Variants in ZNF75D observed in about 807,000 individuals in gnomAD.
The protein encoded by ZNF75D is zinc finger protein 75.
Under a neutral mutation model 33.3 loss-of-function variants are expected in ZNF75D, and 33 were observed. The ratio of observed to expected loss-of-function variants is 0.99; its 90% CI spans 0.75 to 1.32. The LOEUF is 1.32. Ranked by LOEUF, ZNF75D falls within the 40% of genes most tolerant of loss-of-function variation. The pLI is 0.00. For synonymous variants in ZNF75D, 113 were observed against 130.6 expected (o/e 0.87, Z 0.92); for missense variants, 338 against 367.5 (o/e 0.92, Z 0.66).
rs1171312540 is a variant in ZNF75D, at chrX:135,250,489, C to T, written n.1297-1188G>A. Among the ~76,000 whole-genome samples the T allele has an allele frequency of 4.7e-5, 5 of 107,270 alleles. No individual in the cohort carries two copies. In the South Asian group the frequency reaches 1.6e-3, roughly 34 times the overall value. The allele number at this position is 107,270 out of a possible 115,157, so 93.2% of individuals were successfully genotyped here. The stretch of plus-strand genomic sequence containing the variant: ...AGTATTGACCTATTTAAGGAACAGA[C>T]AGTGCCAAAAAGATTCTGACACTGA... On this transcript the variant is annotated intron_variant and non_coding_transcript_variant, in intron 3 of 3. Coordinates refer to the ZNF75D transcript ENST00000494295.
chrX:135,333,694 A>T (rs2084677592), intron 1 of ZNF75D, among the ~76,000 whole-genome samples: 1 of 111,981 alleles, frequency 8.9e-6, no homozygotes, highest in Admixed American at 9.5e-5. Context: ...TGGACAAAGA[A>T]TAGATCATCC....
downstream of ZNF75D, among the ~76,000 whole-genome samples, chrX:135,282,393 G>A (rs782296757): frequency 3.6e-5 from 4 of 111,941 alleles, no homozygotes; most frequent in Admixed American, 9.4e-5. Context: ...CTGGCAGCGA[G>A]AATTTCAAAC....
At position 135,343,524 on chromosome X, in the gene ZNF75D, C is replaced by T. The variant is rs1556446074; in HGVS notation, c.-2147G>A. 1.8e-5 allele frequency: 2 copies of T among 112,634 alleles called. No individual in the cohort carries two copies. The highest frequency in any genetic ancestry group is 3.3e-5 in the African/African-American group (1 of 30,661). The allele number at this position is 112,634 out of a possible 1,213,427, so 9.3% of individuals were successfully genotyped here. ...CTGGTGTCCCGGGCACCAGCAGCCT[C>T]TTGGAAGCAGAACCCTCAGAAGCAC... is the stretch of plus-strand genomic sequence containing the variant. On this transcript the variant is annotated 5_prime_UTR_variant, in exon 1 of 7. Coordinates refer to ENST00000370766, the MANE Select transcript of ZNF75D (RefSeq NM_007131.5).
At chrX:135,270,768 A>G (rs2083880213) in intron 1 of ZNF75D, among the ~76,000 whole-genome samples, 1 of 110,610 alleles carries the variant, frequency 9.0e-6, no homozygotes, top group Non-Finnish European at 1.9e-5. Context: ...CAGGACAGTG[A>G]CCCCTTCTCA....
At chrX:135,319,255 C>G (rs1339599475) in intron 1 of ZNF75D, among the ~76,000 whole-genome samples, 1 of 112,580 alleles carries the variant, frequency 8.9e-6, no homozygotes, top group Non-Finnish European at 1.9e-5. Flanking sequence ...TTGTTTCTGT[C>G]CTTGCGAAGC....
chrX:135,320,788 T>G (rs1446630721), intron 1 of ZNF75D, among the ~76,000 whole-genome samples: 1 of 111,910 alleles, frequency 8.9e-6, no homozygotes, highest in Non-Finnish European at 1.9e-5. Flanking sequence ...CGATGTACAA[T>G]TCTTCCAATG....
chrX:135,341,714 G>A (rs2030122759), intron 1 of ZNF75D, 54 bp downstream of exon 1: 2 of 112,240 alleles, frequency 1.8e-5, no homozygotes, highest in African/African-American at 6.5e-5. Flanking sequence ...GATTGCAAGA[G>A]ATTAGTAATA....
intron 1 of ZNF75D, among the ~76,000 whole-genome samples, chrX:135,261,281 A>G (rs941420695): frequency 2.7e-4 from 30 of 112,374 alleles, no homozygotes; most frequent in African/African-American, 9.7e-4. Flanking sequence ...CTGTTGATTT[A>G]GGGTGGAGAG....
chrX:135,266,779 C>T (rs1220067278), intron 1 of ZNF75D, among the ~76,000 whole-genome samples: 1 of 111,942 alleles, frequency 8.9e-6, no homozygotes, highest in Non-Finnish European at 1.9e-5. Context: ...AACAAATGGA[C>T]TTAATAGATA....
chrX:135,310,733 T>G (rs957685627), intron 1 of ZNF75D, among the ~76,000 whole-genome samples: 1 of 111,248 alleles, frequency 9.0e-6, no homozygotes, highest in Non-Finnish European at 1.9e-5. Flanking sequence ...TCTCTACCCT[T>G]AGCCAGGTCT....
chrX:135,307,025 G>A (rs1396658075), intron 1 of ZNF75D, among the ~76,000 whole-genome samples: 1 of 111,450 alleles, frequency 9.0e-6, no homozygotes, highest in Non-Finnish European at 1.9e-5. Flanking sequence ...GCCTGGCCTA[G>A]TATGAAAAGC....
At chrX:135,284,995 G>C (rs2083935878), downstream of ZNF75D, among the ~76,000 whole-genome samples, 1 of 111,735 alleles carries the variant, frequency 8.9e-6, no homozygotes, top group East Asian at 2.8e-4. Flanking sequence ...CACACAAAGA[G>C]AATGGAGTCC....
rs2084030402 is a variant in ZNF75D at position 135,291,006 on chromosome X, T to G, written c.823+3A>C. 1 of 1,204,479 alleles carries G rather than the reference T, an allele frequency of 8.3e-7. No individual in the cohort carries two copies. Among genetic ancestry groups the G allele is most frequent in the Non-Finnish European group, 1.1e-6 (1 of 891,382 alleles). On this transcript the variant is annotated splice_donor_region_variant and intron_variant, in intron 6 of 6. Transcript: ENST00000370766. The stretch of plus-strand genomic sequence containing the variant: ...CTACACAATGGGAAGGAAGAATCTT[T>G]ACCTAGAGAGATGACAGTCTCATAG...
At chrX:135,327,789 T>C (rs1369340074) in intron 1 of ZNF75D, 1 of 112,114 alleles carries the variant, frequency 8.9e-6, no homozygotes, top group Non-Finnish European at 1.9e-5. Context: ...AATTCTGACT[T>C]CAAGATCCAA....
intron 1 of ZNF75D, among the ~76,000 whole-genome samples, chrX:135,301,262 G>A: frequency 9.0e-6 from 1 of 111,624 alleles, no homozygotes; most frequent in Non-Finnish European, 1.9e-5. Flanking sequence ...GGGGATTACA[G>A]GTCCCTCCCT....
In ZNF75D at chrX:135,331,772, G is replaced by A. The variant is rs185096416; in HGVS notation, c.-391+9996C>T. On this transcript the variant is annotated intron_variant, in intron 1 of 6. Coordinates refer to ENST00000370766, the MANE Select transcript of ZNF75D (RefSeq NM_007131.5). ...CTCCACCTCCACCTACATCTAAGGC[G>A]CTGTTACTGTCTCTCCCCTTAGCCA... 4.5e-5 allele frequency among the ~76,000 whole-genome samples: 5 copies of A among 111,282 alleles called. No individual in the cohort carries two copies. In the East Asian group the frequency reaches 8.5e-4, roughly 19 times the overall value.
intron 1 of ZNF75D, among the ~76,000 whole-genome samples, chrX:135,256,429 G>C (rs1438088704): frequency 3.6e-5 from 4 of 111,540 alleles, no homozygotes; most frequent in Non-Finnish European, 7.5e-5. Context: ...GTGTGTGTGG[G>C]GGGGTGCATT....
intron 1 of ZNF75D, among the ~76,000 whole-genome samples, chrX:135,260,517 T>A (rs1165725842): frequency 8.9e-6 from 1 of 111,958 alleles, no homozygotes; most frequent in African/African-American, 3.3e-5. Flanking sequence ...CCTGGTTTGG[T>A]CTTGGGAGGG....
At chrX:135,323,281 G>T (rs1423616398) in intron 1 of ZNF75D, among the ~76,000 whole-genome samples, 1 of 112,026 alleles carries the variant, frequency 8.9e-6, no homozygotes, top group Non-Finnish European at 1.9e-5. Context: ...CTGGGTTTAA[G>T]GATCCTGGGC....
Sources: allele counts gnomAD v4.1 joint callset (sites outside exome capture counted in the v4.1 genomes callset), GRCh38; gene constraint gnomAD v4.1.1; transcripts MANE v1.5; gene names NCBI Gene and HGNC (gene_info 2026-07-23, HGNC 2026-07-21).